Variants in KCNMB2 observed in about 807,000 individuals in gnomAD.
KCNMB2 encodes calcium-activated potassium channel subunit beta-2.
Under a neutral mutation model 24.5 loss-of-function variants are expected in KCNMB2, and 9 were observed. The ratio of observed to expected loss-of-function variants is 0.37; its 90% CI spans 0.22 to 0.64. The LOEUF (loss-of-function observed/expected upper bound fraction) is 0.64, where lower values mean the gene tolerates loss of function less well. Ranked by LOEUF, KCNMB2 falls within the 30% of genes least tolerant of loss-of-function variation. The pLI is 0.63. For missense variants in KCNMB2, 226 were observed against 284.3 expected, an observed-to-expected ratio of 0.79 and a Z score of 1.47; for synonymous variants, 109 against 104.4, an observed-to-expected ratio of 1.04 and a Z score of -0.27.
intron 1 of KCNMB2, among the ~76,000 whole-genome samples, chr3:178,634,010 C>T (rs1215080260): frequency 6.6e-6 from 1 of 152,204 alleles, no homozygotes; most frequent in African/African-American, 2.4e-5. Flanking sequence ...TTCCTCATCT[C>T]CATCTGAGAC....
chr3:178,824,984 T>G (rs1370278288), intron 2 of KCNMB2, among the ~76,000 whole-genome samples: 1 of 152,200 alleles, frequency 6.6e-6, no homozygotes, highest in Non-Finnish European at 1.5e-5. Context: ...AATCGAAAGT[T>G]TTCACATATA....
intron 1 of KCNMB2, among the ~76,000 whole-genome samples, chr3:178,746,055 G>A (rs561458794): frequency 6.6e-6 from 1 of 152,182 alleles, no homozygotes; most frequent in African/African-American, 2.4e-5. Flanking sequence ...AGCTCCACTA[G>A]GTGGTGCCCC....
chr3:178,612,983 A>G (rs1446045333), intron 1 of KCNMB2, among the ~76,000 whole-genome samples: 2 of 152,212 alleles, frequency 1.3e-5, no homozygotes, highest in Admixed American at 6.5e-5. Flanking sequence ...CCTGATAATA[A>G]CTTAATACTG....
chr3:178,729,443 CCTT>C (rs1723072425), intron 1 of KCNMB2: 2 of 152,142 alleles, frequency 1.3e-5, no homozygotes, highest in Non-Finnish European at 1.5e-5. Flanking sequence ...CCTGTCTTCT[CCTT>C]CTAATTTTTT....
intron 1 of KCNMB2, among the ~76,000 whole-genome samples, chr3:178,587,600 TGG>T (rs1717491138): frequency 9.0e-6 from 1 of 110,818 alleles, no homozygotes; most frequent in African/African-American, 4.2e-5. Flanking sequence ...ATTTTTTGGG[TGG>T]TTTTTTTTTT....
chr3:178,554,401 A>G lies in KCNMB2; in HGVS notation c.-68+17690A>G, dbSNP rs929793035. The stretch of plus-strand genomic sequence containing the variant: ...CAATTGGTACCAAAGAACCATGCCT[A>G]TTGTCATCTGGTGTTACAGAATTGA... On this transcript the variant is annotated intron_variant, in intron 1 of 4. Transcript: ENST00000452583. Among the ~76,000 whole-genome samples, 8 of 152,332 alleles carry G rather than the reference A, an allele frequency of 5.3e-5. 1 individual carries two copies. The highest frequency in any genetic ancestry group is 1.9e-4 in the African/African-American group (8 of 41,580).
intron 1 of KCNMB2, among the ~76,000 whole-genome samples, chr3:178,760,953 CA>C (rs1346420839): frequency 6.6e-6 from 1 of 152,066 alleles, no homozygotes; most frequent in African/African-American, 2.4e-5. Flanking sequence ...TTACTAATAA[CA>C]ATATGCACCA....
intron 1 of KCNMB2, among the ~76,000 whole-genome samples, chr3:178,587,871 A>T (rs1315695194): frequency 6.7e-6 from 1 of 148,704 alleles, no homozygotes; most frequent in African/African-American, 2.5e-5. Context: ...TATATCTCCT[A>T]ATGCTATCCC....
intron 1 of KCNMB2, among the ~76,000 whole-genome samples, chr3:178,654,773 C>T (rs891702894): frequency 3.9e-5 from 6 of 152,032 alleles, no homozygotes; most frequent in South Asian, 2.1e-4. Context: ...ACTAGCAAAA[C>T]GTAAGGTGGA....
At chr3:178,731,315 G>A (rs1723143077) in intron 1 of KCNMB2, among the ~76,000 whole-genome samples, 1 of 152,126 alleles carries the variant, frequency 6.6e-6, no homozygotes, top group African/African-American at 2.4e-5. Flanking sequence ...CGAACCAGTG[G>A]AGCAGAAATG....
chr3:178,627,259 C>T (rs954546443), intron 1 of KCNMB2, among the ~76,000 whole-genome samples: 9 of 152,120 alleles, frequency 5.9e-5, no homozygotes, highest in Non-Finnish European at 1.2e-4. Flanking sequence ...AATATTTTTC[C>T]TTAAATGTAC....
chr3:178,757,393 T>A (rs1353847624), intron 1 of KCNMB2, among the ~76,000 whole-genome samples: 2 of 68,642 alleles, frequency 2.9e-5, no homozygotes, highest in Non-Finnish European at 5.3e-5. Context: ...TATATATATA[T>A]GTATATATAT....
At chr3:178,544,657 A>T (rs1715718727) in intron 1 of KCNMB2, among the ~76,000 whole-genome samples, 1 of 152,196 alleles carries the variant, frequency 6.6e-6, no homozygotes, top group African/African-American at 2.4e-5. Context: ...GCTGAGTCCC[A>T]CATGTAGATT....
At chr3:178,779,319 A>G (rs1712726017) in intron 1 of KCNMB2, among the ~76,000 whole-genome samples, 1 of 152,154 alleles carries the variant, frequency 6.6e-6, no homozygotes, top group African/African-American at 2.4e-5. Flanking sequence ...TGTATTTATG[A>G]TCCCCTCCTT....
At chr3:178,762,536 G>T (rs76705328) in intron 1 of KCNMB2, among the ~76,000 whole-genome samples, 21,468 of 152,130 alleles carry the variant, frequency 0.14, 1,840 homozygotes, top group Admixed American at 0.18. Context: ...CTGATAAAAT[G>T]TCCTATTTTA....
chr3:178,828,106 A>T, intron 3 of KCNMB2, 72 bp from the exon 4 acceptor site: 1 of 1,133,266 alleles, frequency 8.8e-7, no homozygotes. Context: ...GATGAGAAAT[A>T]ATTCCCTCGG....
At chr3:178,840,379 T>C (rs1715385796) in intron 4 of KCNMB2, among the ~76,000 whole-genome samples, 1 of 152,190 alleles carries the variant, frequency 6.6e-6, no homozygotes, top group Non-Finnish European at 1.5e-5. Context: ...GGTGGATCTA[T>C]CCTTCTGGGG....
At chr3:178,751,310 G>A (rs1021302882) in intron 1 of KCNMB2, among the ~76,000 whole-genome samples, 2 of 152,086 alleles carry the variant, frequency 1.3e-5, no homozygotes, top group African/African-American at 4.8e-5. Context: ...GCCAGGCACA[G>A]TAGCTCATGC....
At chr3:178,653,750 A>G (rs1449268466) in intron 1 of KCNMB2, among the ~76,000 whole-genome samples, 2 of 152,142 alleles carry the variant, frequency 1.3e-5, no homozygotes, top group African/African-American at 4.8e-5. Context: ...AGATTGAATC[A>G]TGCTTAATTA....
Sources: gnomAD v4.1 joint callset for allele counts (sites outside exome capture counted in the v4.1 genomes callset) on GRCh38, gnomAD v4.1.1 for gene constraint, MANE v1.5 for transcripts, NCBI Gene and HGNC (gene_info 2026-07-23, HGNC 2026-07-21) for gene names.